The following SLC28A1 variants were observed in gnomAD, a reference collection of about 807,000 sequenced individuals.
SLC28A1 encodes the protein sodium/nucleoside cotransporter 1.
A neutral mutation model predicts 74.8 loss-of-function variants in SLC28A1; 64 were observed. The observed-to-expected ratio is 0.86, with a 90% CI of 0.70 to 1.05. The LOEUF (loss-of-function observed/expected upper bound fraction) is 1.05, where lower values mean the gene tolerates loss of function less well. Ranked by LOEUF, SLC28A1 falls within the 50% of genes least tolerant of loss-of-function variation. The pLI, the probability that SLC28A1 is intolerant of heterozygous loss-of-function variation, is 0.00. For synonymous variants in SLC28A1, 359 were observed against 335.0 expected, an observed-to-expected ratio of 1.07 and a Z score of -0.78; for missense variants, 828 against 822.8, an observed-to-expected ratio of 1.01 and a Z score of -0.08.
chr15:84,908,178 CTTTTTTTTT>C (rs71135328), intron 8 of SLC28A1, among the ~76,000 whole-genome samples: 2 of 91,354 alleles, frequency 2.2e-5, no homozygotes, highest in Admixed American at 1.6e-4. Context: ...CAGAGCATTT[CTTTTTTTTT>C]TTTTTTTTTT....
rs116482204 is a variant in SLC28A1 at position 84,944,626 on chromosome 15, C to T, written c.1724C>T (p.Thr575Met). The T allele has an allele frequency of 2.5e-4, 397 of 1,614,016 alleles. No individual in the cohort carries two copies. Among genetic ancestry groups the T allele is most frequent in the Non-Finnish European group, 3.2e-4 (377 of 1,179,866 alleles). Reference protein sequence around the residue: ...FSQIVLRALFTGACVSLVNAC... With the variant: ...FSQIVLRALFMGACVSLVNAC... Reference sequence around the variant, plus strand: ...CAGATAGTGCTCCGGGCGCTCTTCACGGGAGCCTGTGTGTCCCTGGTGAAC... The same window carrying T: ...CAGATAGTGCTCCGGGCGCTCTTCATGGGAGCCTGTGTGTCCCTGGTGAAC... The change falls in exon 17 of 19, where the codon ACG (threonine) becomes ATG (methionine). Residue 575 changes from threonine to methionine, a missense_variant. Around this residue, in one of 3 missense-constraint regions of SLC28A1, gnomAD observed 767 missense variants for 753.5 expected, o/e 1.02. Coordinates refer to ENST00000394573, the MANE Select transcript of SLC28A1 (RefSeq NM_004213.5).
chr15:84,888,593 A>G (rs1315788210), intron 3 of SLC28A1, among the ~76,000 whole-genome samples, 179 bp from the exon 4 acceptor site: 4 of 152,186 alleles, frequency 2.6e-5, no homozygotes, highest in Non-Finnish European at 5.9e-5. Context: ...AGCCCTGCAC[A>G]CAGTAGGTGC....
intron 5 of SLC28A1, among the ~76,000 whole-genome samples, chr15:84,892,309 T>C (rs898895597): frequency 6.6e-6 from 1 of 152,126 alleles, no homozygotes; most frequent in Non-Finnish European, 1.5e-5. Context: ...AATGACCTGG[T>C]CTGCTTGGTG....
At position 84,945,105 on chromosome 15, in the gene SLC28A1, G is replaced by A. The variant is rs769841572; in HGVS notation, c.1875-20G>A. 3.7e-6 allele frequency: 6 copies of A among 1,613,252 alleles called. No individual in the cohort carries two copies. The highest frequency in any genetic ancestry group is 4.2e-6 in the Non-Finnish European group (5 of 1,179,330). ...GAACCAGGCCTGGAGCTCCCACTGC[G>A]ATCTTTGCTTTCTTTTTAGCGTCAA... is the stretch of plus-strand genomic sequence containing the variant. On this transcript the variant is annotated intron_variant, in intron 18 of 18. Transcript: ENST00000394573.
intron 6 of SLC28A1, among the ~76,000 whole-genome samples, chr15:84,900,737 G>A (rs1445135630): frequency 1.3e-5 from 2 of 151,882 alleles, no homozygotes; most frequent in African/African-American, 4.8e-5. Flanking sequence ...ACAGAAGGTC[G>A]AGACTGCAGT....
chr15:84,906,971 C>T (rs986771623), intron 8 of SLC28A1, among the ~76,000 whole-genome samples: 5 of 152,056 alleles, frequency 3.3e-5, no homozygotes, highest in African/African-American at 7.2e-5. Context: ...GTGGGTGTTC[C>T]GATGAGTTGA....
chr15:84,898,212 A>G (rs1966217018), intron 6 of SLC28A1, among the ~76,000 whole-genome samples: 1 of 151,532 alleles, frequency 6.6e-6, no homozygotes, highest in South Asian at 2.1e-4. Context: ...AGGAACTTCT[A>G]TCCTTGAACC....
chr15:84,969,582 G>T, the SLC28A1 span, among the ~76,000 whole-genome samples: 5 of 152,140 alleles, frequency 3.3e-5, no homozygotes, highest in Non-Finnish European at 5.9e-5. Flanking sequence ...ACACATGTAG[G>T]GGGCAGACTG....
Position 84,905,612 on chromosome 15 carries a change from C to T in SLC28A1, c.677C>T (p.Pro226Leu). ...GGACTCCTCGTCATCAGAACAGAACCAGGATTCATTGCGTTCGAGTGGCTG... is the reference window on the plus strand; with the variant it reads ...GGACTCCTCGTCATCAGAACAGAACTAGGATTCATTGCGTTCGAGTGGCTG... ...VLGLLVIRTE[P>L]GFIAFEWLGE... The change falls in exon 8 of 19, where the codon CCA (proline) becomes CTA (leucine). Residue 226 changes from proline to leucine, a missense_variant. By Grantham distance (98) the Pro-to-Leu change is moderately conservative (BLOSUM62 -3). Around this residue, in one of 3 missense-constraint regions of SLC28A1, gnomAD observed 767 missense variants for 753.5 expected, o/e 1.02. Coordinates refer to ENST00000394573, the MANE Select transcript of SLC28A1 (RefSeq NM_004213.5). The T allele has an allele frequency of 1.2e-6, 2 of 1,614,106 alleles. No individual in the cohort carries two copies. Among genetic ancestry groups the T allele is most frequent in the Non-Finnish European group, 1.7e-6 (2 of 1,179,966 alleles).
At chr15:84,941,428 G>T (rs1972680471) in intron 15 of SLC28A1, among the ~76,000 whole-genome samples, 1 of 151,962 alleles carries the variant, frequency 6.6e-6, no homozygotes, top group East Asian at 1.9e-4. Flanking sequence ...GATGGTCTCG[G>T]TCTCCTGAAC....
chr15:84,926,480 G>A (rs2343674), intron 12 of SLC28A1: 234,392 of 442,622 alleles, frequency 0.53, 63,421 homozygotes, highest in Middle Eastern at 0.66. Flanking sequence ...TAGGATTACA[G>A]GCATGAGCCA....
In SLC28A1 at chr15:84,940,182, A is replaced by G. The variant is rs139352886; in HGVS notation, c.1582-3263A>G. Among the ~76,000 whole-genome samples the G allele has an allele frequency of 2.1e-3, 318 of 152,312 alleles. 3 individuals carry two copies. Among genetic ancestry groups the G allele is most frequent in the African/African-American group, 7.2e-3 (298 of 41,572 alleles). ...CTATTTTGTGTAAGCTGCATCAGAG[A>G]CAACTAAAGATGAAGGCACTACCAT... is the stretch of plus-strand genomic sequence containing the variant. On this transcript the variant is annotated intron_variant, in intron 15 of 18. Coordinates refer to ENST00000394573, the MANE Select transcript of SLC28A1 (RefSeq NM_004213.5).
Position 84,945,324 on chromosome 15 carries a change from C to T in SLC28A1, c.*124C>T, listed in dbSNP as rs2079165236. ...CCACAGGACTTAGACCCAGCTCAAT[C>T]CCACAATTGGGAAGGGTTCATGGAG... On this transcript the variant is annotated 3_prime_UTR_variant, in exon 19 of 19. Coordinates refer to ENST00000394573, the MANE Select transcript of SLC28A1 (RefSeq NM_004213.5). 2 of 856,280 alleles carry T rather than the reference C, an allele frequency of 2.3e-6. No homozygotes were observed. Among genetic ancestry groups the T allele is most frequent in the South Asian group, 1.4e-5 (1 of 70,928 alleles). 53.0% of individuals were successfully genotyped at this position (856,280 alleles called of 1,614,324 possible).
chr15:84,888,767 T>A lies in SLC28A1; in HGVS notation c.97-5T>A. Reference sequence around the variant, plus strand: ...GCCGACCTGACGGCTCCCTGCGGGCTGTAGGAGGAAGGCCAGCTCCCTAGG... The same window carrying A: ...GCCGACCTGACGGCTCCCTGCGGGCAGTAGGAGGAAGGCCAGCTCCCTAGG... On this transcript the variant is annotated splice_polypyrimidine_tract_variant and splice_region_variant and intron_variant, in intron 3 of 18. Coordinates refer to ENST00000394573, the MANE Select transcript of SLC28A1 (RefSeq NM_004213.5). 1.3e-6 allele frequency: 2 copies of A among 1,551,318 alleles called. No homozygotes were observed. Among genetic ancestry groups the A allele is most frequent in the East Asian group, 4.9e-5 (2 of 41,004 alleles).
intron 6 of SLC28A1, chr15:84,895,403 G>A: frequency 3.1e-6 from 5 of 1,614,040 alleles, no homozygotes; most frequent in Non-Finnish European, 4.2e-6. Context: ...GAGCAAGGAG[G>A]GCCCGAATCA....
intron 6 of SLC28A1, among the ~76,000 whole-genome samples, chr15:84,898,447 C>T (rs1002862949): frequency 2.6e-5 from 4 of 151,940 alleles, no homozygotes; most frequent in Non-Finnish European, 4.4e-5. Flanking sequence ...GGCGTGGTGG[C>T]GGGCGCCTGT....
chr15:84,940,507 T>C (rs937011142), intron 15 of SLC28A1: 5 of 153,304 alleles, frequency 3.3e-5, no homozygotes, highest in East Asian at 3.9e-4. Flanking sequence ...AACTAGCTTA[T>C]TCATCATCTT....
downstream of SLC28A1, among the ~76,000 whole-genome samples, chr15:84,946,304 A>G (rs1423438161): frequency 1.3e-5 from 2 of 150,900 alleles, no homozygotes; most frequent in Non-Finnish European, 3.0e-5. Context: ...TTTGTGGAAT[A>G]CAACTTGGGA....
At chr15:84,923,259 A>G (rs778219902) in intron 11 of SLC28A1, among the ~76,000 whole-genome samples, 2 of 152,060 alleles carry the variant, frequency 1.3e-5, no homozygotes, top group African/African-American at 2.4e-5. Context: ...AAACACCCCT[A>G]ACCAGTAGGC....
Sources: gnomAD v4.1 joint callset for allele counts (sites outside exome capture counted in the v4.1 genomes callset) on GRCh38, gnomAD v4.1.1 for gene constraint, gnomAD v4.1.1 regional missense constraint, MANE v1.5 for transcripts, NCBI Gene and HGNC (gene_info 2026-07-23, HGNC 2026-07-21) for gene names.